Variants in UPF2 observed in about 807,000 individuals in gnomAD.
The protein encoded by UPF2 is regulator of nonsense transcripts 2.
In UPF2, 17 loss-of-function variants were observed where a neutral mutation model predicts 141.4. The ratio of observed to expected loss-of-function variants is 0.12; its 90% CI spans 0.08 to 0.18. UPF2 has a LOEUF of 0.18. Ranked by LOEUF, UPF2 falls within the 10% of genes least tolerant of loss-of-function variation. UPF2 has a pLI of 1.00. For synonymous variants in UPF2, 540 were observed against 498.0 expected (o/e 1.08, Z -1.12); for missense variants, 1,152 against 1,515.9 (o/e 0.76, Z 3.99).
intron 8 of UPF2, among the ~76,000 whole-genome samples, chr10:11,981,350 C>CA (rs1209620862): frequency 6.6e-6 from 1 of 152,114 alleles, no homozygotes. Context: ...ATATATAACT[C>CA]AACTTGTTAA....
chr10:11,943,937 A>G (rs544562133), intron 16 of UPF2, among the ~76,000 whole-genome samples: 2 of 151,190 alleles, frequency 1.3e-5, no homozygotes, highest in East Asian at 3.9e-4. Context: ...GTGGAGCTTC[A>G]TTTACCCCTC....
intron 10 of UPF2, 123 bp from the exon 11 acceptor site, chr10:11,964,248 TG>T: frequency 1.8e-6 from 1 of 557,544 alleles, no homozygotes; most frequent in East Asian, 3.2e-5. Flanking sequence ...TGAGTCTACT[TG>T]GGTTCACTGC....
At chr10:11,982,036 TAA>T (rs34301046) in intron 8 of UPF2, among the ~76,000 whole-genome samples, 1 of 148,764 alleles carries the variant, frequency 6.7e-6, no homozygotes, top group Admixed American at 6.7e-5. Flanking sequence ...TTCCTACTAT[TAA>T]AAAAAAAAAA....
chr10:12,035,556 T>C, intron 1 of UPF2, 115 bp from the exon 2 acceptor site: 1 of 1,119,994 alleles, frequency 8.9e-7, no homozygotes, highest in Non-Finnish European at 1.2e-6. Context: ...AAAGAGTAAA[T>C]AAAGGCAGGT....
chr10:12,000,337 C>G (rs1340048569), intron 6 of UPF2, among the ~76,000 whole-genome samples: 1 of 152,188 alleles, frequency 6.6e-6, no homozygotes, highest in African/African-American at 2.4e-5. Flanking sequence ...CCATTAACAG[C>G]ACTCCCAATT....
intron 8 of UPF2, among the ~76,000 whole-genome samples, chr10:11,990,913 A>T (rs1355277473): frequency 7.0e-6 from 1 of 143,092 alleles, no homozygotes; most frequent in Non-Finnish European, 1.5e-5. Context: ...GTGTGAACCC[A>T]GGAGGCGGAG....
chr10:11,961,452 A>G (rs1235578944), intron 11 of UPF2, among the ~76,000 whole-genome samples: 2 of 151,874 alleles, frequency 1.3e-5, no homozygotes, highest in Non-Finnish European at 2.9e-5. Flanking sequence ...AAAGAAAGGC[A>G]TATGTGGCAC....
In UPF2 at chr10:11,997,698, C is replaced by T. The variant is rs773887553; in HGVS notation, c.1818G>A (p.Arg606=). 1.2e-6 allele frequency: 2 copies of T among 1,613,790 alleles called. No homozygotes were observed. Among genetic ancestry groups the T allele is most frequent in the Non-Finnish European group, 1.7e-6 (2 of 1,179,852 alleles). The stretch of plus-strand genomic sequence containing the variant: ...TTTGTCTAGGAACTATGAAGAGTGC[C>T]CGTACCAACTTCTTCCTGTTTGCTT... ...NTKANRKKLV[R]ALFIVPRQRL... Residue 606 remains arginine (R), a synonymous_variant, in exon 8 of 22, where the codon CGG becomes CGA. Coordinates refer to ENST00000357604, the MANE Select transcript of UPF2 (RefSeq NM_015542.4).
At chr10:11,991,649 G>A (rs776336353) in intron 8 of UPF2, among the ~76,000 whole-genome samples, 3 of 151,992 alleles carry the variant, frequency 2.0e-5, no homozygotes, top group Non-Finnish European at 2.9e-5. Context: ...AGGCCAGCTC[G>A]CCTAGATTTC....
At chr10:12,031,322 A>C (rs2131310685) in intron 2 of UPF2, among the ~76,000 whole-genome samples, 1 of 152,340 alleles carries the variant, frequency 6.6e-6, no homozygotes, top group Admixed American at 6.5e-5. Flanking sequence ...AGGAACCAGA[A>C]GACAACTATC....
chr10:11,991,612 A>C (rs551550019), intron 8 of UPF2, among the ~76,000 whole-genome samples: 1 of 152,180 alleles, frequency 6.6e-6, no homozygotes, highest in Non-Finnish European at 1.5e-5. Context: ...TAAATGACCA[A>C]GTTAATTTTA....
intron 8 of UPF2, among the ~76,000 whole-genome samples, chr10:11,990,678 C>CAA (rs10650923): frequency 0.43 from 41,741 of 97,386 alleles, 9,194 homozygotes; most frequent in Non-Finnish European, 0.55. Context: ...GACTCTGTCT[C>CAA]AAAAAAAAAA....
rs547603733 is a variant in UPF2, at chr10:11,992,419, G to A, written c.1844+5253C>T. On this transcript the variant is annotated intron_variant, in intron 8 of 21. Transcript: ENST00000357604. This position sits in a 1 kb window ranked among gnomAD's most constrained non-coding sequence, Gnocchi z 4.1. Reference sequence around the variant, plus strand: ...CTAATATCAGATGAGTGACTAAAGAGAGTAAGAAAAGAAGACACCACAAAC... The same window carrying A: ...CTAATATCAGATGAGTGACTAAAGAAAGTAAGAAAAGAAGACACCACAAAC... 2.9e-4 allele frequency among the ~76,000 whole-genome samples: 44 copies of A among 152,216 alleles called. No individual in the cohort carries two copies. Among genetic ancestry groups the A allele is most frequent in the African/African-American group, 9.9e-4 (41 of 41,544 alleles).
intron 4 of UPF2, among the ~76,000 whole-genome samples, chr10:12,008,420 G>A (rs898778765): frequency 4.0e-5 from 6 of 151,854 alleles, no homozygotes; most frequent in Admixed American, 3.9e-4. Context: ...CACGAGGTCA[G>A]GAGATTGAGA....
In UPF2 at chr10:11,951,723, C is replaced by T. The variant is rs942257833; in HGVS notation, c.3034+343G>A. 1.4e-4 allele frequency among the ~76,000 whole-genome samples: 22 copies of T among 152,030 alleles called. 1 individual carries two copies. The highest frequency in any genetic ancestry group is 3.6e-4 in the African/African-American group (15 of 41,396). On this transcript the variant is annotated intron_variant, in intron 15 of 21. Transcript: ENST00000357604. ...AAATAATGCCTGTTGAAAATATATA[C>T]GCAAAAATAAGAAATGCTTTAATAA... is the stretch of plus-strand genomic sequence containing the variant.
chr10:11,950,215 A>T (rs1327295487), intron 15 of UPF2, among the ~76,000 whole-genome samples: 1 of 152,218 alleles, frequency 6.6e-6, no homozygotes, highest in South Asian at 2.1e-4. Context: ...AAAATATGAT[A>T]AAAATGGTTT....
chr10:11,972,063 CA>C (rs58355538), intron 9 of UPF2, among the ~76,000 whole-genome samples: 19,447 of 100,872 alleles, frequency 0.19, 1,324 homozygotes, highest in East Asian at 0.32. Flanking sequence ...GACTCTGTCT[CA>C]AAAAAAAAAA....
chr10:12,008,380 T>C (rs539948262), intron 4 of UPF2, among the ~76,000 whole-genome samples: 1 of 152,046 alleles, frequency 6.6e-6, no homozygotes, highest in African/African-American at 2.4e-5. Flanking sequence ...CCTGTAATCC[T>C]AGCACCTGGG....
rs575094362 is a variant in UPF2 at position 11,953,291 on chromosome 10, G to A, written c.2851-1042C>T. ...AGCTTCTTAGAAATGTAGAATCTCA[G>A]GCCTCCCCCTAGGTCAACTGAATCA... On this transcript the variant is annotated intron_variant, in intron 14 of 21. Transcript: ENST00000357604. This position sits in a 1 kb window ranked among gnomAD's most constrained non-coding sequence, Gnocchi z 5.0. Among the ~76,000 whole-genome samples the A allele has an allele frequency of 8.5e-5, 13 of 152,276 alleles. No individual in the cohort carries two copies. Among genetic ancestry groups the A allele is most frequent in the African/African-American group, 3.1e-4 (13 of 41,538 alleles).
Sources: allele counts gnomAD v4.1 joint callset (sites outside exome capture counted in the v4.1 genomes callset), GRCh38; gene constraint gnomAD v4.1.1; non-coding constraint Gnocchi (gnomAD v3.1); transcripts MANE v1.5; gene names NCBI Gene and HGNC (gene_info 2026-07-23, HGNC 2026-07-21).